Variants in CAMTA1 observed in about 807,000 individuals in gnomAD.
CAMTA1 encodes the protein calmodulin binding transcription activator 1, also known as calmodulin-binding transcription activator 1.
CAMTA1 carries 27 observed loss-of-function variants against 170.9 expected under a neutral mutation model. That is an observed-to-expected ratio of 0.16 (90% CI 0.12 to 0.22). The LOEUF (loss-of-function observed/expected upper bound fraction) is 0.22. CAMTA1 is among the 10% of genes least tolerant of loss of function. CAMTA1 has a pLI of 1.00. For missense variants in CAMTA1, 1,619 were observed against 2,217.2 expected, an observed-to-expected ratio of 0.73 and a Z score of 5.42; for synonymous variants, 833 against 891.5, an observed-to-expected ratio of 0.93 and a Z score of 1.17.
chr1:7,346,283 C>T (rs1275649652), intron 5 of CAMTA1, among the ~76,000 whole-genome samples: 1 of 152,176 alleles, frequency 6.6e-6, no homozygotes, highest in African/African-American at 2.4e-5. Flanking sequence ...CTCTCCCTCT[C>T]TGATCCTCAG....
At chr1:7,366,709 G>A (rs2085995041) in intron 5 of CAMTA1, among the ~76,000 whole-genome samples, 1 of 152,224 alleles carries the variant, frequency 6.6e-6, no homozygotes, top group Non-Finnish European at 1.5e-5. Flanking sequence ...TGAAGTGAAG[G>A]CCCTTGGGCT....
intron 11 of CAMTA1, among the ~76,000 whole-genome samples, chr1:7,714,368 A>C (rs2096593652): frequency 6.6e-6 from 1 of 152,240 alleles, no homozygotes; most frequent in African/African-American, 2.4e-5. Flanking sequence ...TCATCAGAGC[A>C]TCCGAGAGCT....
chr1:6,908,801 A>G (rs889656228), intron 3 of CAMTA1, among the ~76,000 whole-genome samples: 1 of 152,236 alleles, frequency 6.6e-6, no homozygotes, highest in African/African-American at 2.4e-5. Flanking sequence ...GCAGCTGCTC[A>G]GTGGGACAGC....
chr1:6,893,729 C>T (rs960480646), intron 3 of CAMTA1, among the ~76,000 whole-genome samples: 10 of 152,176 alleles, frequency 6.6e-5, no homozygotes. Flanking sequence ...TTAAGAGACC[C>T]ATAATCCTTG....
intron 3 of CAMTA1, among the ~76,000 whole-genome samples, chr1:6,988,303 C>G (rs148017253): frequency 1.3e-5 from 2 of 152,084 alleles, no homozygotes; most frequent in Admixed American, 6.5e-5. Context: ...TCCTGCATCC[C>G]GGCACCCCAC....
intron 3 of CAMTA1, among the ~76,000 whole-genome samples, chr1:6,861,069 A>T (rs1240857501): frequency 6.7e-6 from 1 of 149,638 alleles, no homozygotes; most frequent in African/African-American, 2.5e-5. Flanking sequence ...GGTTCAAGTG[A>T]TTCTCGTGGC....
intron 7 of CAMTA1, among the ~76,000 whole-genome samples, chr1:7,650,344 G>A (rs1355119189): frequency 6.6e-6 from 1 of 152,194 alleles, no homozygotes; most frequent in East Asian, 1.9e-4. Context: ...TTTCCTGTGA[G>A]GCCAGTTACA....
At chr1:7,362,431 GAGTT>G (rs2085612779) in intron 5 of CAMTA1, among the ~76,000 whole-genome samples, 1 of 152,176 alleles carries the variant, frequency 6.6e-6, no homozygotes. Flanking sequence ...GACTTGGAAA[GAGTT>G]AGTAGACTTC....
intron 5 of CAMTA1, among the ~76,000 whole-genome samples, chr1:7,311,423 T>C (rs1203599015): frequency 6.6e-6 from 1 of 152,228 alleles, no homozygotes; most frequent in East Asian, 1.9e-4. Flanking sequence ...ATGGTAATTT[T>C]CAGTTCTAAA....
At chr1:7,551,977 C>T (rs2094808872) in intron 6 of CAMTA1, among the ~76,000 whole-genome samples, 1 of 152,212 alleles carries the variant, frequency 6.6e-6, no homozygotes, top group Non-Finnish European at 1.5e-5. Flanking sequence ...AAAATCCTCT[C>T]ATTTAATCCT....
chr1:7,477,559 C>T (rs1411632807), intron 6 of CAMTA1, among the ~76,000 whole-genome samples: 1 of 152,186 alleles, frequency 6.6e-6, no homozygotes, highest in Admixed American at 6.5e-5. Context: ...ATGCCAAGGC[C>T]ACTGCTGTAC....
chr1:7,304,125 G>A (rs1675220749), intron 5 of CAMTA1, among the ~76,000 whole-genome samples: 1 of 152,142 alleles, frequency 6.6e-6, no homozygotes, highest in Non-Finnish European at 1.5e-5. Context: ...ATGATGAAAA[G>A]TTTAGGAAAA....
At chr1:7,632,344 A>G (rs1214028205) in intron 6 of CAMTA1, among the ~76,000 whole-genome samples, 2 of 152,182 alleles carry the variant, frequency 1.3e-5, no homozygotes, top group African/African-American at 4.8e-5. Flanking sequence ...GTGTGGCACT[A>G]TTACATGCTA....
intron 4 of CAMTA1, among the ~76,000 whole-genome samples, chr1:7,119,124 A>G (rs1312286814): frequency 1.3e-5 from 2 of 152,148 alleles, no homozygotes; most frequent in Non-Finnish European, 2.9e-5. Flanking sequence ...ATGTCAGTTC[A>G]GATTTCAGAA....
chr1:7,107,762 G>T (rs1643758328), intron 4 of CAMTA1, among the ~76,000 whole-genome samples: 1 of 152,174 alleles, frequency 6.6e-6, no homozygotes, highest in Admixed American at 6.5e-5. Flanking sequence ...CCCATTTAGT[G>T]AGTGTCTAGA....
intron 5 of CAMTA1, among the ~76,000 whole-genome samples, chr1:7,262,026 C>T (rs1200898077): frequency 1.3e-5 from 2 of 152,144 alleles, no homozygotes; most frequent in East Asian, 3.8e-4. Flanking sequence ...GATGTGGTGC[C>T]CTCACACTGG....
At chr1:7,677,828 A>G in intron 11 of CAMTA1, 95 bp downstream of exon 11, 1 of 1,435,006 alleles carries the variant, frequency 7.0e-7, no homozygotes, top group South Asian at 1.3e-5. Flanking sequence ...AAGCACCCAG[A>G]AAGGGGCAGG....
intron 3 of CAMTA1, among the ~76,000 whole-genome samples, chr1:7,015,621 C>A (rs1285410156): frequency 6.6e-6 from 1 of 152,232 alleles, no homozygotes; most frequent in Non-Finnish European, 1.5e-5. Flanking sequence ...AAGTAAGGGA[C>A]AGGGCAGCTC....
chr1:6,949,249 G>A (rs2149466672), intron 3 of CAMTA1, among the ~76,000 whole-genome samples: 1 of 152,350 alleles, frequency 6.6e-6, no homozygotes, highest in South Asian at 2.1e-4. Flanking sequence ...GAGTTGTGAG[G>A]GTCCTCGAAC....
Sources: gnomAD v4.1 joint callset for allele counts (sites outside exome capture counted in the v4.1 genomes callset) on GRCh38, gnomAD v4.1.1 for gene constraint, MANE v1.5 for transcripts, NCBI Gene and HGNC (gene_info 2026-07-23, HGNC 2026-07-21) for gene names.